ADGRL2: variants seen among roughly 807,000 people sequenced by gnomAD.
ADGRL2 encodes the protein adhesion G protein-coupled receptor L2.
ADGRL2 carries 44 observed loss-of-function variants against 157.4 expected under a neutral mutation model. The observed-to-expected ratio is 0.28, with a 90% CI of 0.22 to 0.36. The LOEUF is 0.36. Ranked by LOEUF, ADGRL2 falls within the 10% of genes least tolerant of loss-of-function variation. The pLI is 1.00. For synonymous variants in ADGRL2, 585 were observed against 624.7 expected (o/e 0.94, Z 0.95); for missense variants, 1,510 against 1,768.9 (o/e 0.85, Z 2.63).
intron 1 of ADGRL2, among the ~76,000 whole-genome samples, chr1:81,423,447 G>T (rs144245013): frequency 6.6e-6 from 1 of 152,174 alleles, no homozygotes; most frequent in African/African-American, 2.4e-5. Flanking sequence ...TACACACATC[G>T]CGACGGCCCA....
intron 3 of ADGRL2, among the ~76,000 whole-genome samples, chr1:81,679,384 C>A (rs1194708181): frequency 4.0e-5 from 6 of 149,578 alleles, no homozygotes; most frequent in Admixed American, 1.4e-4. Context: ...GACAGGTCTT[C>A]CAGCTTCTCT....
chr1:81,587,631 G>C (rs997776306), intron 3 of ADGRL2, among the ~76,000 whole-genome samples: 1 of 152,064 alleles, frequency 6.6e-6, no homozygotes, highest in Non-Finnish European at 1.5e-5. Context: ...TAAAGAGTGG[G>C]GACTCCATCC....
intron 1 of ADGRL2, among the ~76,000 whole-genome samples, chr1:81,431,453 C>T (rs1032933618): frequency 6.6e-6 from 1 of 152,058 alleles, no homozygotes; most frequent in African/African-American, 2.4e-5. Flanking sequence ...ACAAACGTGG[C>T]CCCTAGAGAA....
At chr1:81,399,363 G>T (rs939140906) in intron 1 of ADGRL2, among the ~76,000 whole-genome samples, 1 of 152,136 alleles carries the variant, frequency 6.6e-6, no homozygotes, top group Non-Finnish European at 1.5e-5. Flanking sequence ...TTATTATATA[G>T]GTTTTCTATG....
chr1:81,514,206 C>T (rs1438224011), intron 2 of ADGRL2, among the ~76,000 whole-genome samples: 1 of 152,068 alleles, frequency 6.6e-6, no homozygotes, highest in Non-Finnish European at 1.5e-5. Flanking sequence ...CAGTTTTTAC[C>T]TAGGTGGTAT....
At chr1:81,657,260 C>A (rs2148865465) in intron 3 of ADGRL2, among the ~76,000 whole-genome samples, 1 of 152,082 alleles carries the variant, frequency 6.6e-6, no homozygotes, top group Admixed American at 6.5e-5. Context: ...GGATTTGTGC[C>A]CTTATAAAAG....
rs566736974 is a variant in ADGRL2 at position 81,559,056 on chromosome 1, T to A, written c.-247-21820T>A. ...TATTCCTATAATCTTCACCTCTGATTTTTTCTGTCATTCTGTAAGGAGACT... is the reference window on the plus strand; with the variant it reads ...TATTCCTATAATCTTCACCTCTGATATTTTCTGTCATTCTGTAAGGAGACT... On this transcript the variant is annotated intron_variant, in intron 2 of 24. Coordinates refer to the ADGRL2 transcript ENST00000370721. 9.2e-5 allele frequency among the ~76,000 whole-genome samples: 14 copies of A among 152,216 alleles called. No individual in the cohort carries two copies. The South Asian group carries it at 2.9e-3, about 32-fold the overall frequency.
intron 3 of ADGRL2, among the ~76,000 whole-genome samples, chr1:81,620,236 G>A (rs1336221085): frequency 6.6e-6 from 1 of 152,124 alleles, no homozygotes; most frequent in Non-Finnish European, 1.5e-5. Context: ...CATGGGTACA[G>A]TAGGTACATC....
At chr1:81,686,371 T>C (rs2083228951) in intron 3 of ADGRL2, among the ~76,000 whole-genome samples, 2 of 152,192 alleles carry the variant, frequency 1.3e-5, no homozygotes, top group Non-Finnish European at 2.9e-5. Context: ...AGGAGGGTTG[T>C]ATTTTTCCAG....
upstream of ADGRL2, among the ~76,000 whole-genome samples, chr1:81,798,953 T>C (rs1264721002): frequency 1.3e-5 from 2 of 152,132 alleles, no homozygotes; most frequent in African/African-American, 4.8e-5. Context: ...CCTTCAAAGA[T>C]GAACAAAGAA....
intron 3 of ADGRL2, among the ~76,000 whole-genome samples, chr1:81,669,395 G>A (rs1412851537): frequency 6.6e-6 from 1 of 151,970 alleles, no homozygotes; most frequent in Non-Finnish European, 1.5e-5. Context: ...CTCCAGCCTG[G>A]GCAATGTAGC....
At chr1:81,809,741 C>T (rs1009382664) in intron 1 of ADGRL2, among the ~76,000 whole-genome samples, 1 of 151,622 alleles carries the variant, frequency 6.6e-6, no homozygotes, top group African/African-American at 2.4e-5. Context: ...TAGTCTGTTT[C>T]TCTGTATATA....
At chr1:81,807,810 C>T (rs761140597) in intron 1 of ADGRL2, among the ~76,000 whole-genome samples, 3 of 151,204 alleles carry the variant, frequency 2.0e-5, no homozygotes, top group Non-Finnish European at 3.0e-5. Context: ...GTGTGAGTCA[C>T]GGTGTCATGA....
chr1:81,946,565 A>G (rs1429883118), intron 6 of ADGRL2, among the ~76,000 whole-genome samples: 4 of 152,272 alleles, frequency 2.6e-5, no homozygotes, highest in Admixed American at 2.6e-4. Flanking sequence ...CCCAAATATT[A>G]TAAAGAAAAT....
intron 2 of ADGRL2, among the ~76,000 whole-genome samples, chr1:81,879,387 A>AT (rs1227514701): frequency 6.6e-6 from 1 of 152,156 alleles, no homozygotes; most frequent in African/African-American, 2.4e-5. Flanking sequence ...ATTGCTGTGT[A>AT]TCTTTGGGCA....
At chr1:81,443,870 T>C (rs2077552920) in intron 1 of ADGRL2, among the ~76,000 whole-genome samples, 1 of 152,218 alleles carries the variant, frequency 6.6e-6, no homozygotes, top group Non-Finnish European at 1.5e-5. Context: ...CAATAAATAA[T>C]GAATATTTAT....
intron 2 of ADGRL2, among the ~76,000 whole-genome samples, chr1:81,546,525 A>T (rs1442600510): frequency 6.6e-6 from 1 of 152,228 alleles, no homozygotes; most frequent in Non-Finnish European, 1.5e-5. Flanking sequence ...AACATCACAG[A>T]CGTGTTCACA....
intron 3 of ADGRL2, among the ~76,000 whole-genome samples, chr1:81,586,759 A>C (rs1227247611): frequency 2.0e-5 from 3 of 151,968 alleles, no homozygotes; most frequent in Non-Finnish European, 4.4e-5. Context: ...GTGGGGATTT[A>C]TTTACTTGTC....
intron 2 of ADGRL2, among the ~76,000 whole-genome samples, chr1:81,578,234 A>G (rs978205216): frequency 5.3e-5 from 8 of 152,180 alleles, no homozygotes; most frequent in African/African-American, 1.9e-4. Flanking sequence ...GGAAGGAAAA[A>G]TGAGACTGGT....
Sources: gnomAD v4.1 joint callset for allele counts (sites outside exome capture counted in the v4.1 genomes callset) on GRCh38, gnomAD v4.1.1 for gene constraint, MANE v1.5 for transcripts, NCBI Gene and HGNC (gene_info 2026-07-23, HGNC 2026-07-21) for gene names.